Variants in UGGT2 observed in about 807,000 individuals in gnomAD.
UGGT2 encodes the protein UDP-glucose glycoprotein glucosyltransferase 2, also known as UDP-glucose:glycoprotein glucosyltransferase 2.
A neutral mutation model predicts 192.1 loss-of-function variants in UGGT2; 180 were observed. That is an observed-to-expected ratio of 0.94 (90% CI 0.83 to 1.06). The LOEUF is 1.06. Among genes scored for constraint, UGGT2 ranks in the 50% least tolerant of loss-of-function variants. The pLI is 0.00. For synonymous variants in UGGT2, 580 were observed against 591.0 expected, an observed-to-expected ratio of 0.98 and a Z score of 0.27; for missense variants, 1,849 against 1,795.7, an observed-to-expected ratio of 1.03 and a Z score of -0.54.
chr13:95,811,305 T>G (rs1481661149), intron 38 of UGGT2, among the ~76,000 whole-genome samples: 1 of 152,174 alleles, frequency 6.6e-6, no homozygotes, highest in African/African-American at 2.4e-5. Context: ...ATATAAATAT[T>G]CATAGGAATA....
At chr13:95,856,622 T>A in intron 33 of UGGT2, 1 of 430,896 alleles carries the variant, frequency 2.3e-6, no homozygotes, top group Non-Finnish European at 4.3e-6. Context: ...AATGTTCCCA[T>A]ACTTTTATTG....
Position 95,877,200 on chromosome 13 carries a change from G to A in UGGT2, c.3473+79C>T, listed in dbSNP as rs190983968. On this transcript the variant is annotated intron_variant, in intron 29 of 38. Coordinates refer to ENST00000376747, the MANE Select transcript of UGGT2 (RefSeq NM_020121.4). ...CCAGGCCAATCTTAACATTTTAATT[G>A]TTGTTTTGATTCTCTTGGTTGTATT... 3.4e-4 allele frequency: 409 copies of A among 1,194,684 alleles called. 1 individual carries two copies. The highest frequency in any genetic ancestry group is 2.9e-5 in the Non-Finnish European group (25 of 858,678). 74.0% of individuals were successfully genotyped at this position (1,194,684 alleles called of 1,614,324 possible). A position where few individuals can be genotyped will look rare whatever the true frequency, so the allele number is the denominator to read the frequency against.
chr13:95,890,718 A>G (rs1407252591), intron 25 of UGGT2, 144 bp downstream of exon 25: 2 of 693,884 alleles, frequency 2.9e-6, no homozygotes, highest in Non-Finnish European at 4.9e-6. Flanking sequence ...CAGCTCCATC[A>G]TTTCATTTTC....
intron 1 of UGGT2, among the ~76,000 whole-genome samples, chr13:96,050,634 G>C (rs913049960): frequency 1.2e-4 from 18 of 148,968 alleles, no homozygotes; most frequent in African/African-American, 3.4e-4. Context: ...AAATTTACAA[G>C]AAAAAAATTA....
chr13:95,948,201 C>G lies in UGGT2; in HGVS notation c.1456-120G>C, dbSNP rs912690108. The stretch of plus-strand genomic sequence containing the variant: ...TCAATGTGTAATTTTTAAAGAAATT[C>G]TAGCAATTCTAAGGAATACACACAC... On this transcript the variant is annotated intron_variant, in intron 13 of 38. Transcript: ENST00000376747. The G allele has an allele frequency of 5.7e-6, 3 of 525,148 alleles. No individual in the cohort carries two copies. The African/African-American group carries it at 6.1e-5, about 11-fold the overall frequency. 32.5% of individuals were successfully genotyped at this position (525,148 alleles called of 1,614,324 possible).
intron 17 of UGGT2, among the ~76,000 whole-genome samples, chr13:95,932,798 G>A (rs1231429573): frequency 6.6e-6 from 1 of 152,128 alleles, no homozygotes; most frequent in African/African-American, 2.4e-5. Flanking sequence ...TTATCATGAA[G>A]GGATGTTTGA....
At position 96,010,666 on chromosome 13, in the gene UGGT2, G is replaced by C. The variant is rs149606105; in HGVS notation, c.660+2641C>G. 1.3e-3 allele frequency among the ~76,000 whole-genome samples: 203 copies of C among 152,276 alleles called. 2 individuals carry two copies. The highest frequency in any genetic ancestry group is 2.6e-3 in the Non-Finnish European group (174 of 68,002). On this transcript the variant is annotated intron_variant, in intron 5 of 38. Coordinates refer to ENST00000376747, the MANE Select transcript of UGGT2 (RefSeq NM_020121.4). ...AATCAAGAGACATAATTTTCAATTGGAAGACTGAATATTTTTAAGATGTTC... is the reference window on the plus strand; with the variant it reads ...AATCAAGAGACATAATTTTCAATTGCAAGACTGAATATTTTTAAGATGTTC...
chr13:95,969,545 T>G (rs1317062046), intron 12 of UGGT2, among the ~76,000 whole-genome samples: 1 of 152,134 alleles, frequency 6.6e-6, no homozygotes, highest in African/African-American at 2.4e-5. Flanking sequence ...AAAAAAAAAG[T>G]GCTTTCTAAG....
chr13:95,849,229 A>G (rs1888771348), intron 36 of UGGT2, among the ~76,000 whole-genome samples: 1 of 152,138 alleles, frequency 6.6e-6, no homozygotes, highest in South Asian at 2.1e-4. Context: ...AATAATTTTA[A>G]TATACTTAAA....
At chr13:95,822,619 G>A (rs1322024049) in intron 38 of UGGT2, among the ~76,000 whole-genome samples, 2 of 151,888 alleles carry the variant, frequency 1.3e-5, no homozygotes, top group African/African-American at 2.4e-5. Context: ...TAGTGGTCTC[G>A]AATGATCTTT....
intron 31 of UGGT2, 51 bp downstream of exon 31, chr13:95,863,578 T>C: frequency 6.8e-7 from 1 of 1,463,286 alleles, no homozygotes; most frequent in Non-Finnish European, 9.6e-7. Flanking sequence ...TTCCACATAC[T>C]AGACTTCTGG....
At chr13:95,880,970 C>CAAGACCATCCTGGCT (rs1381649917) in intron 27 of UGGT2, among the ~76,000 whole-genome samples, 1 of 152,094 alleles carries the variant, frequency 6.6e-6, no homozygotes, top group Admixed American at 6.6e-5. Context: ...GTCAGGAGAT[C>CAAGACCATCCTGGCT]AAGACCATCC....
intron 5 of UGGT2, among the ~76,000 whole-genome samples, chr13:96,007,424 T>A (rs1468074365): frequency 6.6e-6 from 1 of 152,134 alleles, no homozygotes; most frequent in Non-Finnish European, 1.5e-5. Context: ...CTATTTTTAT[T>A]CAACATAATA....
intron 1 of UGGT2, among the ~76,000 whole-genome samples, chr13:96,049,397 C>A (rs2053418763): frequency 6.6e-6 from 1 of 152,162 alleles, no homozygotes; most frequent in Non-Finnish European, 1.5e-5. Context: ...AATCTGGAAG[C>A]ATTCCCTTTG....
chr13:95,928,149 A>C (rs1201842138), intron 17 of UGGT2, among the ~76,000 whole-genome samples: 9 of 152,198 alleles, frequency 5.9e-5, no homozygotes, highest in Non-Finnish European at 4.4e-5. Context: ...CGCCATCGTC[A>C]TCATGGCCCG....
intron 26 of UGGT2, among the ~76,000 whole-genome samples, chr13:95,884,992 T>C (rs1036786688): frequency 6.6e-6 from 1 of 152,196 alleles, no homozygotes; most frequent in South Asian, 2.1e-4. Flanking sequence ...GTATTATGAT[T>C]TGTATGCATC....
intron 1 of UGGT2, among the ~76,000 whole-genome samples, chr13:96,049,453 A>AAC (rs1317410660): frequency 1.3e-5 from 2 of 152,182 alleles, no homozygotes; most frequent in African/African-American, 2.4e-5. Context: ...ACTCCTATTC[A>AAC]ACACAGTGTT....
chr13:95,993,752 TGA>T (rs1490691273), intron 7 of UGGT2, among the ~76,000 whole-genome samples: 2 of 152,156 alleles, frequency 1.3e-5, no homozygotes, highest in Non-Finnish European at 2.9e-5. Flanking sequence ...AGAACCACCC[TGA>T]GAGTCCTTCA....
Position 95,942,221 on chromosome 13 carries a change from G to GGGGTGTGT in UGGT2, c.1678-2131_1678-2130insACACACCC, listed in dbSNP as rs1285651365. 1.2e-3 allele frequency among the ~76,000 whole-genome samples: 146 copies of GGGGTGTGT among 118,082 alleles called. 1 individual carries two copies. Among genetic ancestry groups the GGGGTGTGT allele is most frequent in the South Asian group, 1.8e-3 (7 of 3,790 alleles). The allele number at this position is 118,082 out of a possible 152,430, so 77.5% of individuals were successfully genotyped here. A position where few individuals can be genotyped will look rare whatever the true frequency, so the allele number is the denominator to read the frequency against. ...GTACAAGAGCTTCTCTTAGGGTGAG[G>GGGGTGTGT]GTGTGTGTGTGTGTGTGTGTGTGTG... On this transcript the variant is annotated intron_variant, in intron 15 of 38. Transcript: ENST00000376747.
Sources: gnomAD v4.1 joint callset for allele counts (sites outside exome capture counted in the v4.1 genomes callset) on GRCh38, gnomAD v4.1.1 for gene constraint, MANE v1.5 for transcripts, NCBI Gene and HGNC (gene_info 2026-07-23, HGNC 2026-07-21) for gene names.